MIER2: variants seen among roughly 807,000 people sequenced by gnomAD.
MIER2 encodes mesoderm induction early response protein 2.
MIER2 carries 30 observed loss-of-function variants against 67.6 expected under a neutral mutation model. The observed-to-expected ratio is 0.44, with a 90% CI of 0.33 to 0.60. The LOEUF (loss-of-function observed/expected upper bound fraction) is 0.60, where lower values mean the gene tolerates loss of function less well. Ranked by LOEUF, MIER2 falls within the 20% of genes least tolerant of loss-of-function variation. MIER2 has a pLI of 0.02. For missense variants in MIER2, 702 were observed against 745.1 expected, an observed-to-expected ratio of 0.94 and a Z score of 0.67; for synonymous variants, 372 against 312.6, an observed-to-expected ratio of 1.19 and a Z score of -2.00.
chr19:330,753 T>C (rs887902415), intron 3 of MIER2, among the ~76,000 whole-genome samples: 3 of 151,998 alleles, frequency 2.0e-5, no homozygotes, highest in African/African-American at 7.2e-5. Context: ...CTCCCTCTTG[T>C]TCTCTATCCA....
rs1344119081 is a variant in MIER2, at chr19:306,311, C to G, written c.*379G>C. 5 of 288,624 alleles carry G rather than the reference C, an allele frequency of 1.7e-5. No homozygotes were observed. In the East Asian group the frequency reaches 3.6e-4, roughly 21 times the overall value. 17.9% of individuals were successfully genotyped at this position (288,624 alleles called of 1,614,324 possible). On this transcript the variant is annotated 3_prime_UTR_variant, in exon 14 of 14. Transcript: ENST00000264819. ...GCGGGGCAGGGCGTCCTGCCCGTCT[C>G]CCCGCCGGGGCAGTGACGCCTTCCC...
At position 341,028 on chromosome 19, in the gene MIER2, G is replaced by C. The variant is rs533910701; in HGVS notation, c.9+3746C>G. On this transcript the variant is annotated intron_variant, in intron 1 of 13. Transcript: ENST00000264819. ...TGGCCTCACCTCTTTCCAGGACACA[G>C]CAGGTGGCCACCAGCCCACAACCAC... Among the ~76,000 whole-genome samples, 54 of 152,314 alleles carry C rather than the reference G, an allele frequency of 3.5e-4. 1 individual carries two copies. Among genetic ancestry groups the C allele is most frequent in the African/African-American group, 1.3e-3 (54 of 41,568 alleles).
rs1296622941 is a variant in MIER2, at chr19:327,931, G to C, written c.302C>G (p.Pro101Arg). The C allele has an allele frequency of 1.2e-6, 2 of 1,612,988 alleles. No individual in the cohort carries two copies. The highest frequency in any genetic ancestry group is 1.7e-6 in the Non-Finnish European group (2 of 1,179,560). The change falls in exon 4 of 14, where the codon CCC (proline) becomes CGC (arginine). Residue 101 changes from proline (P) to arginine (R), a missense_variant. Coordinates refer to ENST00000264819, the MANE Select transcript of MIER2 (RefSeq NM_017550.3). ...ACCCTCACTCTCCCGGTCTGAAATG[G>C]GGTCTGACGCCTCGTAGCCATAGAG... ...LALYGYEASD[P>R]ISDRESEGGD... is the part of the protein sequence containing the mutation.
At position 327,911 on chromosome 19, in the gene MIER2, C is replaced by G; in HGVS notation, c.322G>C (p.Glu108Gln). The stretch of plus-strand genomic sequence containing the variant: ...AGGTTCGGGGCCACGTCACCACCCT[C>G]ACTCTCCCGGTCTGAAATGGGGTCT... ...ASDPISDRES[E>Q]GGDVAPNLPD... Residue 108 changes from glutamate to glutamine, a missense_variant, in exon 4 of 14, where the codon GAG becomes CAG. Physicochemically the swap from Glu to Gln is conservative, Grantham distance 29. Transcript: ENST00000264819. 6.2e-7 allele frequency: 1 copy of G among 1,613,066 alleles called. No individual in the cohort carries two copies. Among genetic ancestry groups the G allele is most frequent in the East Asian group, 2.2e-5 (1 of 44,712 alleles).
At chr19:337,534 G>A (rs1017747152) in intron 1 of MIER2, among the ~76,000 whole-genome samples, 1 of 152,142 alleles carries the variant, frequency 6.6e-6, no homozygotes, top group Non-Finnish European at 1.5e-5. Flanking sequence ...AGGGCTGGAT[G>A]GTGTAGTCAG....
intron 10 of MIER2, among the ~76,000 whole-genome samples, chr19:311,097 G>A (rs566971891): frequency 2.8e-4 from 43 of 152,308 alleles, no homozygotes; most frequent in Non-Finnish European, 4.7e-4. Context: ...GGACGACATC[G>A]GGCCCCAAAT....
intron 13 of MIER2, 36 bp downstream of exon 13, chr19:307,083 G>C (rs1377721511): frequency 6.5e-7 from 1 of 1,542,128 alleles, no homozygotes; most frequent in Non-Finnish European, 8.8e-7. Context: ...CCTGGTTGGA[G>C]TGTTGCGGAG....
chr19:318,417 CT>C (rs1971353297), intron 7 of MIER2, among the ~76,000 whole-genome samples: 1 of 152,138 alleles, frequency 6.6e-6, no homozygotes, highest in Admixed American at 6.5e-5. Flanking sequence ...ACAAAGCAAT[CT>C]TAACGTGTAT....
intron 1 of MIER2, among the ~76,000 whole-genome samples, chr19:337,363 A>G (rs1972303088): frequency 6.6e-6 from 1 of 152,208 alleles, no homozygotes; most frequent in South Asian, 2.1e-4. Context: ...AACAAAATCC[A>G]ACATACTTTC....
At chr19:314,933 G>A (rs72984441) in intron 7 of MIER2, among the ~76,000 whole-genome samples, 19,681 of 151,870 alleles carry the variant, frequency 0.13, 1,662 homozygotes, top group African/African-American at 0.22. Flanking sequence ...ATGTAGTACA[G>A]GCACGTCTGT....
intron 3 of MIER2, among the ~76,000 whole-genome samples, chr19:331,028 G>A (rs7253509): frequency 0.74 from 112,175 of 152,016 alleles, 41,683 homozygotes; most frequent in African/African-American, 0.82. Context: ...TTTAACTTCA[G>A]CCATAAGAGC....
intron 2 of MIER2, among the ~76,000 whole-genome samples, chr19:335,202 A>AT (rs35993671): frequency 0.08 from 12,146 of 152,324 alleles, 1,268 homozygotes; most frequent in African/African-American, 0.23. Flanking sequence ...CTAGGGCTCA[A>AT]TCAATCCAGA....
intron 7 of MIER2, among the ~76,000 whole-genome samples, chr19:317,911 A>T (rs1231265781): frequency 2.6e-5 from 4 of 152,014 alleles, no homozygotes; most frequent in Non-Finnish European, 5.9e-5. Context: ...GACAATTAAA[A>T]ATAAGATCTA....
intron 8 of MIER2, among the ~76,000 whole-genome samples, 178 bp downstream of exon 8, chr19:313,314 C>T (rs886885635): frequency 7.2e-5 from 11 of 152,284 alleles, no homozygotes; most frequent in South Asian, 2.1e-4. Flanking sequence ...CTCCCTGATA[C>T]GTGGTTTTAA....
At chr19:330,101 C>G (rs1463681489) in intron 3 of MIER2, among the ~76,000 whole-genome samples, 28 of 152,080 alleles carry the variant, frequency 1.8e-4, no homozygotes, top group Non-Finnish European at 1.5e-5. Flanking sequence ...TATAGCCACT[C>G]AGAAAGGCAC....
intron 7 of MIER2, among the ~76,000 whole-genome samples, chr19:314,649 G>GCAGA (rs1175210167): frequency 6.6e-6 from 1 of 151,926 alleles, no homozygotes; most frequent in African/African-American, 2.4e-5. Context: ...AGGAAAACAG[G>GCAGA]CAGACACCAC....
chr19:335,449 C>A (rs960271787), intron 2 of MIER2, among the ~76,000 whole-genome samples: 1 of 152,234 alleles, frequency 6.6e-6, no homozygotes, highest in Non-Finnish European at 1.5e-5. Flanking sequence ...GGCCACCGCA[C>A]CCTTGGAGGA....
At chr19:329,646 T>C (rs1411112302) in intron 3 of MIER2, among the ~76,000 whole-genome samples, 3 of 152,058 alleles carry the variant, frequency 2.0e-5, no homozygotes, top group Non-Finnish European at 4.4e-5. Context: ...CCCAGCACTT[T>C]GGGAGGCTGA....
rs540755650 is a variant in MIER2, at chr19:307,086, T to G, written c.1616+33A>C. On this transcript the variant is annotated intron_variant, in intron 13 of 13. Coordinates refer to ENST00000264819, the MANE Select transcript of MIER2 (RefSeq NM_017550.3). Reference sequence around the variant, plus strand: ...GGGCTGGGGGGACCTGGTTGGAGTGTTGCGGAGGCTCCGGGCATGGGGTGG... The same window carrying G: ...GGGCTGGGGGGACCTGGTTGGAGTGGTGCGGAGGCTCCGGGCATGGGGTGG... The G allele has an allele frequency of 3.3e-4, 511 of 1,547,568 alleles. 3 individuals carry two copies. The South Asian group carries it at 5.9e-3, about 18-fold the overall frequency.
Sources: allele counts gnomAD v4.1 joint callset (sites outside exome capture counted in the v4.1 genomes callset), GRCh38; gene constraint gnomAD v4.1.1; transcripts MANE v1.5; gene names NCBI Gene and HGNC (gene_info 2026-07-23, HGNC 2026-07-21).